The following BACH2 variants were observed in gnomAD, a reference collection of about 807,000 sequenced individuals.
The protein encoded by BACH2 is BACH transcriptional regulator 2, also known as transcription regulator protein BACH2.
BACH2 carries 5 observed loss-of-function variants against 61.8 expected under a neutral mutation model. The observed-to-expected ratio is 0.08, with a 90% CI of 0.04 to 0.17. The LOEUF (loss-of-function observed/expected upper bound fraction) is 0.17. Among genes scored for constraint, BACH2 ranks in the 10% least tolerant of loss-of-function variants. The pLI is 1.00. For synonymous variants in BACH2, 446 were observed against 440.1 expected (o/e 1.01, Z -0.17); for missense variants, 824 against 1,091.1 (o/e 0.76, Z 3.45).
intron 6 of BACH2, among the ~76,000 whole-genome samples, chr6:89,958,437 C>G (rs1774545251): frequency 8.4e-6 from 1 of 119,136 alleles, no homozygotes; most frequent in Non-Finnish European, 1.9e-5. Flanking sequence ...TTTAGTTTCT[C>G]TATGCTTTAG....
intron 4 of BACH2, among the ~76,000 whole-genome samples, chr6:90,142,549 A>C (rs546842784): frequency 6.6e-6 from 1 of 152,330 alleles, no homozygotes; most frequent in Non-Finnish European, 1.5e-5. Flanking sequence ...TTTGTTATTC[A>C]AAATAAAATA....
intron 1 of BACH2, among the ~76,000 whole-genome samples, chr6:90,295,441 C>T (rs558684941): frequency 6.6e-6 from 1 of 152,102 alleles, no homozygotes; most frequent in Non-Finnish European, 1.5e-5. Flanking sequence ...CGCCGAGATG[C>T]TCGCTCCAGT....
At chr6:90,128,252 G>A (rs772968387) in intron 4 of BACH2, among the ~76,000 whole-genome samples, 7 of 152,108 alleles carry the variant, frequency 4.6e-5, no homozygotes, top group Non-Finnish European at 8.8e-5. Flanking sequence ...CTAGGCTTTG[G>A]GGATTTTTTT....
intron 4 of BACH2, among the ~76,000 whole-genome samples, chr6:90,103,817 G>A (rs968472434): frequency 6.6e-6 from 1 of 152,244 alleles, no homozygotes; most frequent in Non-Finnish European, 1.5e-5. Flanking sequence ...AAAAGCTCTT[G>A]GAGAGTTAAA....
At chr6:90,201,265 T>C (rs1192347193) in intron 4 of BACH2, among the ~76,000 whole-genome samples, 1 of 152,254 alleles carries the variant, frequency 6.6e-6, no homozygotes, top group Non-Finnish European at 1.5e-5. Context: ...TTGATACACC[T>C]TATTTAAGTC....
intron 4 of BACH2, among the ~76,000 whole-genome samples, chr6:90,171,546 A>AAGCAAAT (rs1287156547): frequency 6.6e-6 from 1 of 152,232 alleles, no homozygotes; most frequent in African/African-American, 2.4e-5. Flanking sequence ...CACATAGCAG[A>AAGCAAAT]AGCAAATACA....
In BACH2 at chr6:90,246,165, C is replaced by T. The variant is rs563082316; in HGVS notation, c.-275+6348G>A. Among the ~76,000 whole-genome samples, 10 of 152,310 alleles carry T rather than the reference C, an allele frequency of 6.6e-5. No homozygotes were observed. In the South Asian group the frequency reaches 1.9e-3, roughly 28 times the overall value. On this transcript the variant is annotated intron_variant, in intron 3 of 8. Transcript: ENST00000257749. ...CAAAATTAACCTAAATGCACATAAA[C>T]TCTAGGATTCCAATTTTATTCTGTT...
chr6:90,047,186 T>C (rs1376605508), intron 5 of BACH2, among the ~76,000 whole-genome samples: 1 of 152,234 alleles, frequency 6.6e-6, no homozygotes, highest in African/African-American at 2.4e-5. Flanking sequence ...CCTCCCAAAG[T>C]GCTGGGATTA....
chr6:90,187,135 A>G (rs1562493699), intron 4 of BACH2, among the ~76,000 whole-genome samples: 2 of 152,174 alleles, frequency 1.3e-5, no homozygotes, highest in African/African-American at 4.8e-5. Context: ...TAAATAAATC[A>G]AGTGTCTTAT....
At chr6:90,216,689 C>T (rs1402385063) in intron 3 of BACH2, among the ~76,000 whole-genome samples, 2 of 152,198 alleles carry the variant, frequency 1.3e-5, no homozygotes, top group Non-Finnish European at 2.9e-5. Context: ...ACTGAGCAGC[C>T]AGCTCATGAC....
chr6:90,131,801 T>A (rs1312270536), intron 4 of BACH2, among the ~76,000 whole-genome samples: 2 of 152,218 alleles, frequency 1.3e-5, no homozygotes, highest in African/African-American at 4.8e-5. Flanking sequence ...ATGAGGTCAG[T>A]GGGCCAGCTG....
chr6:90,123,212 GAGA>G (rs1182256256), intron 4 of BACH2, among the ~76,000 whole-genome samples: 5 of 152,190 alleles, frequency 3.3e-5, no homozygotes, highest in South Asian at 2.1e-4. Flanking sequence ...GCCAAGAGAA[GAGA>G]AGAAGACAGA....
intron 6 of BACH2, among the ~76,000 whole-genome samples, chr6:90,004,747 A>G (rs1777317165): frequency 6.6e-6 from 1 of 152,220 alleles, no homozygotes; most frequent in South Asian, 2.1e-4. Context: ...CATACTAATG[A>G]GCAGTGGAAG....
At chr6:90,285,036 A>G (rs750525863) in intron 1 of BACH2, among the ~76,000 whole-genome samples, 6 of 152,202 alleles carry the variant, frequency 3.9e-5, no homozygotes, top group Non-Finnish European at 8.8e-5. Context: ...TCTTACTTTA[A>G]TCATCCTTTT....
chr6:89,939,814 G>A (rs1773302090), intron 7 of BACH2, among the ~76,000 whole-genome samples: 1 of 136,544 alleles, frequency 7.3e-6, no homozygotes, highest in Admixed American at 8.0e-5. Context: ...ACCCTGCCCA[G>A]TTAATTAAAT....
intron 5 of BACH2, among the ~76,000 whole-genome samples, chr6:90,034,977 T>A (rs765956338): frequency 1.1e-4 from 17 of 152,086 alleles, no homozygotes; most frequent in Admixed American, 5.9e-4. Flanking sequence ...CATAGAAACA[T>A]AACCTATAGA....
At chr6:90,070,155 T>C (rs1261583700) in intron 5 of BACH2, among the ~76,000 whole-genome samples, 3 of 152,158 alleles carry the variant, frequency 2.0e-5, no homozygotes, top group African/African-American at 4.8e-5. Context: ...AGGTTGTTGG[T>C]CAAGGAGCAG....
chr6:90,214,899 C>T (rs1769480537), intron 3 of BACH2, among the ~76,000 whole-genome samples: 1 of 151,752 alleles, frequency 6.6e-6, no homozygotes, highest in South Asian at 2.1e-4. Context: ...GTAGCTGGGA[C>T]TACAGGTGTG....
At chr6:90,267,583 A>G (rs1178404574) in intron 2 of BACH2, among the ~76,000 whole-genome samples, 1 of 152,214 alleles carries the variant, frequency 6.6e-6, no homozygotes, top group Non-Finnish European at 1.5e-5. Context: ...TATATGTACA[A>G]GAATTTAACT....
Sources: allele counts gnomAD v4.1 joint callset (sites outside exome capture counted in the v4.1 genomes callset), GRCh38; gene constraint gnomAD v4.1.1; transcripts MANE v1.5; gene names NCBI Gene and HGNC (gene_info 2026-07-23, HGNC 2026-07-21).